The following EDA variants were observed in gnomAD, a reference collection of about 807,000 sequenced individuals.
EDA encodes ectodysplasin-A.
In EDA, 2 loss-of-function variants were observed where a neutral mutation model predicts 23.6. That is an observed-to-expected ratio of 0.08 (90% confidence interval 0.03 to 0.27). EDA has a LOEUF of 0.27. EDA is among the 10% of genes least tolerant of loss of function. The probability of loss-of-function intolerance (pLI) is 1.00; values close to 1 mark genes in which losing one functional copy is unlikely to be tolerated. For missense variants in EDA, 229 were observed against 324.2 expected (o/e 0.71, Z 2.26); for synonymous variants, 131 against 132.0 (o/e 0.99, Z 0.05).
chrX:69,931,614 G>C (rs761269227), intron 1 of EDA, among the ~76,000 whole-genome samples: 2 of 111,721 alleles, frequency 1.8e-5, no homozygotes, highest in African/African-American at 3.2e-5. Context: ...AGCCATCAGA[G>C]AAATGCAAAT....
chrX:69,721,485 G>T (rs191500468), intron 1 of EDA, among the ~76,000 whole-genome samples: 1 of 111,732 alleles, frequency 8.9e-6, no homozygotes, highest in Non-Finnish European at 1.9e-5. Flanking sequence ...GTCAGCCTCA[G>T]TATGTCTTGG....
chrX:69,741,411 G>T (rs2013456932), intron 1 of EDA, among the ~76,000 whole-genome samples: 1 of 111,051 alleles, frequency 9.0e-6, no homozygotes, highest in Non-Finnish European at 1.9e-5. Flanking sequence ...GTTCAGTGAA[G>T]TCTACTTTCC....
At chrX:69,791,587 G>A (rs1416231943) in intron 1 of EDA, among the ~76,000 whole-genome samples, 3 of 112,095 alleles carry the variant, frequency 2.7e-5, no homozygotes, top group African/African-American at 9.7e-5. Context: ...AAATTATAAT[G>A]TATGCTAATA....
intron 1 of EDA, among the ~76,000 whole-genome samples, chrX:69,652,406 T>C (rs1373006678): frequency 1.8e-5 from 2 of 111,906 alleles, no homozygotes; most frequent in Non-Finnish European, 3.8e-5. Context: ...ATAGAAATTA[T>C]AATACTCGGT....
intron 1 of EDA, among the ~76,000 whole-genome samples, chrX:69,644,979 G>A (rs1932889777): frequency 9.0e-6 from 1 of 111,463 alleles, no homozygotes; most frequent in East Asian, 2.8e-4. Context: ...TGATCATGGT[G>A]GATGAACTTT....
intron 1 of EDA, among the ~76,000 whole-genome samples, chrX:69,728,989 A>T (rs1410771621): frequency 9.0e-6 from 1 of 111,666 alleles, no homozygotes; most frequent in Non-Finnish European, 1.9e-5. Context: ...AATATATAAA[A>T]ACCAAATAAA....
chrX:69,684,612 C>T (rs1179695833), intron 1 of EDA, among the ~76,000 whole-genome samples: 1 of 112,004 alleles, frequency 8.9e-6, no homozygotes, highest in Admixed American at 9.5e-5. Context: ...GATTTTCCTT[C>T]ATTCAATATA....
At chrX:69,693,729 ATAATT>A (rs1934777798) in intron 1 of EDA, among the ~76,000 whole-genome samples, 1 of 112,156 alleles carries the variant, frequency 8.9e-6, no homozygotes, top group Admixed American at 9.5e-5. Context: ...CAATTGCTTT[ATAATT>A]TGTCCAGTAA....
intron 1 of EDA, among the ~76,000 whole-genome samples, chrX:69,666,783 A>T (rs375334716): frequency 3.6e-5 from 4 of 112,168 alleles, no homozygotes; most frequent in African/African-American, 1.3e-4. Context: ...AAGCTTAAGA[A>T]TTCAGGTGAT....
chrX:69,725,732 A>T (rs1409741738), intron 1 of EDA, among the ~76,000 whole-genome samples: 4 of 112,558 alleles, frequency 3.6e-5, no homozygotes, highest in African/African-American at 1.3e-4. Context: ...AACCATGGGT[A>T]TGGGGACTTC....
intron 1 of EDA, among the ~76,000 whole-genome samples, chrX:69,737,616 A>G (rs1363676475): frequency 8.9e-6 from 1 of 112,312 alleles, no homozygotes; most frequent in Non-Finnish European, 1.9e-5. Flanking sequence ...TTATCTTTTA[A>G]GAAGAATTAA....
At chrX:69,855,845 C>A (rs1481111983) in intron 1 of EDA, among the ~76,000 whole-genome samples, 1 of 111,490 alleles carries the variant, frequency 9.0e-6, no homozygotes, top group Non-Finnish European at 1.9e-5. Flanking sequence ...TTTTCTAGTT[C>A]TGTGAAGAAT....
chrX:70,028,607 A>G (rs1419325711), intron 4 of EDA, among the ~76,000 whole-genome samples: 1 of 112,544 alleles, frequency 8.9e-6, no homozygotes, highest in Non-Finnish European at 1.9e-5. Flanking sequence ...AAGCAAACCC[A>G]GGCACCAAGG....
intron 1 of EDA, among the ~76,000 whole-genome samples, chrX:69,819,943 C>T (rs5980861): frequency 0.21 from 21,539 of 104,176 alleles, 2,183 homozygotes; most frequent in African/African-American, 0.28. Flanking sequence ...CAAGATAATC[C>T]TAAACAAAAT....
rs780090114 is a variant in EDA, at chrX:69,719,811, A to G, written c.396+103107A>G. Among the ~76,000 whole-genome samples the G allele has an allele frequency of 1.6e-4, 17 of 108,224 alleles. No individual in the cohort carries two copies. In the East Asian group the frequency reaches 4.4e-3, roughly 28 times the overall value. The allele number at this position is 108,224 out of a possible 115,157, so 94.0% of individuals were successfully genotyped here. ...GTTGCGCAGCCTGGAGTGCAATGGC[A>G]TGATTTCGGCTCACTGCAACCTCTG... On this transcript the variant is annotated intron_variant, in intron 1 of 7. Transcript: ENST00000374552.
chrX:69,617,462 C>T (rs572104759), intron 1 of EDA, among the ~76,000 whole-genome samples: 1 of 111,062 alleles, frequency 9.0e-6, no homozygotes, highest in East Asian at 2.9e-4. Context: ...AGCTTGAGAA[C>T]GGGAATCTGC....
chrX:69,705,223 C>A (rs867522437), intron 1 of EDA, among the ~76,000 whole-genome samples: 90 of 58,627 alleles, frequency 1.5e-3, no homozygotes, highest in Admixed American at 2.9e-3. Context: ...AACTCCATCT[C>A]AAAAAAAAAA....
chrX:69,928,758 G>A (rs191648169), intron 1 of EDA, among the ~76,000 whole-genome samples: 4 of 111,879 alleles, frequency 3.6e-5, no homozygotes, highest in South Asian at 3.7e-4. Flanking sequence ...CTTGGGAAAC[G>A]GATTGCCATC....
At chrX:69,811,256 A>G (rs993135120) in intron 1 of EDA, among the ~76,000 whole-genome samples, 1 of 112,588 alleles carries the variant, frequency 8.9e-6, no homozygotes, top group Non-Finnish European at 1.9e-5. Flanking sequence ...GCCTGAGCCT[A>G]GCATCAATCA....
Sources: gnomAD v4.1 joint callset for allele counts (sites outside exome capture counted in the v4.1 genomes callset) on GRCh38, gnomAD v4.1.1 for gene constraint, MANE v1.5 for transcripts, NCBI Gene and HGNC (gene_info 2026-07-23, HGNC 2026-07-21) for gene names.